Variants in ELP3 observed in about 807,000 individuals in gnomAD.
ELP3 encodes the protein elongator acetyltransferase complex subunit 3, also known as elongator complex protein 3.
In ELP3, 56 loss-of-function variants were observed where a neutral mutation model predicts 74.9. The ratio of observed to expected loss-of-function variants is 0.75; its 90% CI spans 0.60 to 0.93. ELP3 has a LOEUF of 0.93. Among genes scored for constraint, ELP3 ranks in the 40% least tolerant of loss-of-function variants. ELP3 has a pLI of 0.00. For missense variants in ELP3, 573 were observed against 686.5 expected, an observed-to-expected ratio of 0.83 and a Z score of 1.85; for synonymous variants, 222 against 239.8, an observed-to-expected ratio of 0.93 and a Z score of 0.68.
chr8:28,134,998 G>A (rs1812927852), intron 9 of ELP3, among the ~76,000 whole-genome samples: 1 of 151,418 alleles, frequency 6.6e-6, no homozygotes, highest in Non-Finnish European at 1.5e-5. Flanking sequence ...GCACGATCTT[G>A]GCTCACTGCA....
chr8:28,146,758 C>G (rs1232089658), intron 10 of ELP3, among the ~76,000 whole-genome samples: 1 of 152,206 alleles, frequency 6.6e-6, no homozygotes, highest in Non-Finnish European at 1.5e-5. Flanking sequence ...GACTTTGTCA[C>G]TGAAACTGGC....
In ELP3 at chr8:28,165,864, A is replaced by G. The variant is rs183915183; in HGVS notation, c.1567+3786A>G. ...TGTGCTACTTCAGTAGACTTTGTTT[A>G]TAGGTATATACTGTGTATTTTATAG... On this transcript the variant is annotated intron_variant, in intron 14 of 14. Transcript: ENST00000256398. 4.3e-3 allele frequency among the ~76,000 whole-genome samples: 650 copies of G among 152,296 alleles called. 1 individual carries two copies. The highest frequency in any genetic ancestry group is 6.9e-3 in the Non-Finnish European group (471 of 68,010).
chr8:28,119,122 G>A (rs910819992), intron 7 of ELP3: 2 of 152,228 alleles, frequency 1.3e-5, no homozygotes, highest in Non-Finnish European at 2.9e-5. Flanking sequence ...GGGCTTTGAC[G>A]CTGACACTGC....
chr8:28,093,855 C>T (rs1020850039), intron 1 of ELP3, among the ~76,000 whole-genome samples: 6 of 152,144 alleles, frequency 3.9e-5, no homozygotes, highest in African/African-American at 1.4e-4. Flanking sequence ...AGAATAATAG[C>T]TACCATTTAT....
At chr8:28,101,915 G>A (rs1457780939) in intron 3 of ELP3, among the ~76,000 whole-genome samples, 1 of 152,138 alleles carries the variant, frequency 6.6e-6, no homozygotes, top group Non-Finnish European at 1.5e-5. Flanking sequence ...AGCATTATGT[G>A]TGGGCTTGCC....
In ELP3 at chr8:28,158,416, T is replaced by C. The variant is rs1003143598; in HGVS notation, c.1192-152T>C. ...GTGGTTTTATTTTGAAATTCAGCTC[T>C]TTTATCTCACTGCAAGTTATATGCA... On this transcript the variant is annotated intron_variant, in intron 11 of 14. Transcript: ENST00000256398. 4.4e-5 allele frequency: 28 copies of C among 636,286 alleles called. No homozygotes were observed. In the South Asian group the frequency reaches 4.7e-4, roughly 11 times the overall value. 39.4% of individuals were successfully genotyped at this position (636,286 alleles called of 1,614,324 possible). A position where few individuals can be genotyped will look rare whatever the true frequency, so the allele number is the denominator to read the frequency against.
chr8:28,183,626 T>C (rs1815110276), intron 14 of ELP3, among the ~76,000 whole-genome samples: 3 of 152,182 alleles, frequency 2.0e-5, no homozygotes, highest in Admixed American at 2.0e-4. Flanking sequence ...GGTTTTGCCA[T>C]GTTGCCCAGG....
At position 28,190,381 on chromosome 8, in the gene ELP3, CAA is replaced by C. The variant is rs1339651004; in HGVS notation, c.*658_*659del. 1 of 152,194 alleles carries C rather than the reference CAA, an allele frequency of 6.6e-6. No homozygotes were observed. Among genetic ancestry groups the C allele is most frequent in the African/African-American group, 2.4e-5 (1 of 41,410 alleles). 9.4% of individuals were successfully genotyped at this position (152,194 alleles called of 1,614,324 possible). Reference sequence around the variant, plus strand: ...AGTCTACCATCCGAGACGGCGATGACAAAGAGCTTCATTCCACATTCTTTGTT... The same window carrying C: ...AGTCTACCATCCGAGACGGCGATGACAGAGCTTCATTCCACATTCTTTGTT... On this transcript the variant is annotated 3_prime_UTR_variant, in exon 15 of 15. Coordinates refer to ENST00000256398, the MANE Select transcript of ELP3 (RefSeq NM_018091.6).
chr8:28,095,902 CCA>C (rs1363754182), intron 1 of ELP3, among the ~76,000 whole-genome samples: 1 of 152,220 alleles, frequency 6.6e-6, no homozygotes, highest in East Asian at 1.9e-4. Flanking sequence ...GCCCCCTGGG[CCA>C]CGGACCAGTA....
chr8:28,105,726 T>C lies in ELP3; in HGVS notation c.259-987T>C, dbSNP rs80236174. On this transcript the variant is annotated intron_variant, in intron 3 of 14. Transcript: ENST00000256398. ...CTTTAATTCCACCCAGCCCACAGAG[T>C]TCATTCTGCTTCTCTCTCTTTCCAT... 5.5e-3 allele frequency among the ~76,000 whole-genome samples: 844 copies of C among 152,320 alleles called. 6 individuals are homozygous for C. Among genetic ancestry groups the C allele is most frequent in the African/African-American group, 0.019 (786 of 41,572 alleles).
chr8:28,110,731 A>G (rs1811885770), intron 6 of ELP3: 1 of 292,672 alleles, frequency 3.4e-6, no homozygotes, highest in Non-Finnish European at 6.3e-6. Context: ...GATGTATGAA[A>G]GTTCTTAGAC....
rs552012786 is a variant in ELP3 at position 28,188,947 on chromosome 8, T to A, written c.1568-702T>A. Among the ~76,000 whole-genome samples the A allele has an allele frequency of 1.4e-4, 21 of 152,130 alleles. No individual in the cohort carries two copies. In the East Asian group the frequency reaches 4.1e-3, roughly 29 times the overall value. On this transcript the variant is annotated intron_variant, in intron 14 of 14. Coordinates refer to ENST00000256398, the MANE Select transcript of ELP3 (RefSeq NM_018091.6). Reference sequence around the variant, plus strand: ...CTTGCGCTCATCAGAGTAGGTAGGGTCCAAATTGAGTTAAATTATAGAACA... The same window carrying A: ...CTTGCGCTCATCAGAGTAGGTAGGGACCAAATTGAGTTAAATTATAGAACA...
intron 11 of ELP3, among the ~76,000 whole-genome samples, chr8:28,156,339 A>G (rs1343459548): frequency 3.3e-5 from 5 of 152,238 alleles, no homozygotes. Flanking sequence ...ACTGAAGGAA[A>G]AGGAGACGTG....
intron 7 of ELP3, among the ~76,000 whole-genome samples, chr8:28,128,504 C>T (rs1050771746): frequency 6.6e-6 from 1 of 152,058 alleles, no homozygotes; most frequent in African/African-American, 2.4e-5. Context: ...TGTTGAAAAG[C>T]AGAGAAGTCT....
rs1305292699 is a variant in ELP3, at chr8:28,129,588, T to C, written c.704T>C (p.Met235Thr). Residue 235 changes from methionine (M) to threonine (T), a missense_variant, in exon 8 of 15, where the codon ATG (methionine) becomes ACG (threonine). Physicochemically the swap from Met to Thr is moderately conservative, Grantham distance 81. Coordinates refer to ENST00000256398, the MANE Select transcript of ELP3 (RefSeq NM_018091.6). The stretch of plus-strand genomic sequence containing the variant: ...TGCATGAAGCGACATTTAAGTGACA[T>C]GTTGACCTATGGCTGCACAAGGCTG... ...DYCMKRHLSD[M>T]LTYGCTRLEI... is the part of the protein sequence containing the mutation. 1 of 1,614,204 alleles carries C rather than the reference T, an allele frequency of 6.2e-7. No homozygotes were observed. The highest frequency in any genetic ancestry group is 8.5e-7 in the Non-Finnish European group (1 of 1,180,014).
At position 28,156,030 on chromosome 8, in the gene ELP3, C is replaced by T; in HGVS notation, c.1189C>T (p.Gln397Ter). 2 of 1,612,320 alleles carry T rather than the reference C, an allele frequency of 1.2e-6. No homozygotes were observed. Among genetic ancestry groups the T allele is most frequent in the Non-Finnish European group, 1.7e-6 (2 of 1,178,564 alleles). ...ALARMKDLGIQCRDVRTREVG... is the reference protein window; with the variant it reads ...ALARMKDLGI ...TGCAAGAATGAAAGACCTCGGAATA[C>T]AGGTAAGAGCAAATATGGCGGTCAG... The change falls in exon 11 of 15, where the codon CAG becomes TAG. Residue 397 changes from glutamine (Q) to a stop codon, truncating the protein, a stop_gained and splice_region_variant. Coordinates refer to ENST00000256398, the MANE Select transcript of ELP3 (RefSeq NM_018091.6). LOFTEE classifies it high-confidence loss of function.
At chr8:28,146,407 T>C (rs368041741) in intron 10 of ELP3, among the ~76,000 whole-genome samples, 34 of 152,328 alleles carry the variant, frequency 2.2e-4, no homozygotes, top group African/African-American at 8.2e-4. Flanking sequence ...GGCCTAGACA[T>C]CACTTGAAAG....
At chr8:28,120,047 C>T (rs920252427) in intron 7 of ELP3, among the ~76,000 whole-genome samples, 1 of 152,156 alleles carries the variant, frequency 6.6e-6, no homozygotes, top group South Asian at 2.1e-4. Flanking sequence ...ATGAATAAAA[C>T]TTCAGCGTAC....
At chr8:28,129,399 TAC>T in intron 7 of ELP3, 101 bp from the exon 8 acceptor site, 1 of 1,229,612 alleles carries the variant, frequency 8.1e-7, no homozygotes, top group Non-Finnish European at 1.2e-6. Flanking sequence ...CTACACTCTT[TAC>T]CACTATCTCA....
Sources: allele counts gnomAD v4.1 joint callset (sites outside exome capture counted in the v4.1 genomes callset), GRCh38; gene constraint gnomAD v4.1.1; transcripts MANE v1.5; gene names NCBI Gene and HGNC (gene_info 2026-07-23, HGNC 2026-07-21).